Variants in PTPRK observed in about 807,000 individuals in gnomAD.
The protein encoded by PTPRK is receptor-type tyrosine-protein phosphatase kappa.
PTPRK carries 75 observed loss-of-function variants against 178.0 expected under a neutral mutation model. The observed-to-expected ratio is 0.42, with a 90% confidence interval of 0.35 to 0.51. PTPRK has a LOEUF of 0.51. PTPRK is among the 20% of genes least tolerant of loss of function. The pLI is 0.02. For synonymous variants in PTPRK, 637 were observed against 620.6 expected, an observed-to-expected ratio of 1.03 and a Z score of -0.39; for missense variants, 1,441 against 1,797.8, an observed-to-expected ratio of 0.80 and a Z score of 3.59.
chr6:128,254,693 C>T (rs1816998921), intron 3 of PTPRK, among the ~76,000 whole-genome samples: 1 of 150,304 alleles, frequency 6.7e-6, no homozygotes, highest in African/African-American at 2.4e-5. Context: ...AATTTTAAGG[C>T]AAAATATTTT....
Position 128,504,589 on chromosome 6 carries a change from T to G in PTPRK, c.100+15670A>C, listed in dbSNP as rs767964608. Among the ~76,000 whole-genome samples the G allele has an allele frequency of 8.3e-4, 126 of 152,338 alleles. 3 individuals are homozygous for G. The highest frequency in any genetic ancestry group is 2.5e-4 in the Non-Finnish European group (17 of 68,034). On this transcript the variant is annotated intron_variant, in intron 1 of 29. Transcript: ENST00000368226. ...CTTCAACTGGGATGTGCATTCCTGA[T>G]AAGAATTAGCCGGGAAAGGGCACAA...
At chr6:128,036,289 C>G (rs1776196633) in intron 13 of PTPRK, among the ~76,000 whole-genome samples, 1 of 152,122 alleles carries the variant, frequency 6.6e-6, no homozygotes, top group African/African-American at 2.4e-5. Context: ...AGCAGCTACA[C>G]CCAGGAGATG....
chr6:128,283,041 C>A (rs1284562343), intron 3 of PTPRK, among the ~76,000 whole-genome samples: 1 of 152,068 alleles, frequency 6.6e-6, no homozygotes, highest in Non-Finnish European at 1.5e-5. Context: ...CAACAAAACA[C>A]CCCCACCACA....
chr6:128,244,199 T>C (rs1454735017), intron 3 of PTPRK, among the ~76,000 whole-genome samples: 1 of 152,184 alleles, frequency 6.6e-6, no homozygotes, highest in Non-Finnish European at 1.5e-5. Context: ...GATTTGCCTA[T>C]GATAACACAC....
In PTPRK at chr6:128,219,064, C is replaced by A. The variant is rs1809892245; in HGVS notation, c.726G>T (p.Gln242His). 6.2e-7 allele frequency: 1 copy of A among 1,613,792 alleles called. No homozygotes were observed. Among genetic ancestry groups the A allele is most frequent in the African/African-American group, 1.3e-5 (1 of 74,902 alleles). Reference sequence around the variant, plus strand: ...ACCTTCTATGATTGATGTTCTTAGTCTGGGCTACTGGTATATCTTCTCCAT... The same window carrying A: ...ACCTTCTATGATTGATGTTCTTAGTATGGGCTACTGGTATATCTTCTCCAT... ...RRNGEDIPVA[Q>H]TKNINHRRFA... The change falls in exon 6 of 30, where the codon CAG becomes CAT. Residue 242 changes from glutamine (Q) to histidine (H), a missense_variant. By Grantham distance (24) the Gln-to-His change is conservative (BLOSUM62 0). Transcript: ENST00000368226.
intron 5 of PTPRK, among the ~76,000 whole-genome samples, chr6:128,226,784 A>G (rs1811397177): frequency 7.3e-6 from 1 of 136,982 alleles, no homozygotes; most frequent in Non-Finnish European, 1.5e-5. Flanking sequence ...ATATATATAT[A>G]TATATATATA....
intron 3 of PTPRK, among the ~76,000 whole-genome samples, chr6:128,270,413 T>C (rs1392672709): frequency 6.6e-6 from 1 of 152,058 alleles, no homozygotes; most frequent in Non-Finnish European, 1.5e-5. Flanking sequence ...TAGTGACAAA[T>C]AAAAATTTAA....
intron 2 of PTPRK, among the ~76,000 whole-genome samples, chr6:128,353,471 T>C (rs1309222557): frequency 6.6e-6 from 1 of 152,110 alleles, no homozygotes; most frequent in Non-Finnish European, 1.5e-5. Context: ...TGTCCCTCAA[T>C]GAGAAAACAG....
At chr6:128,219,638 C>A (rs1221348232) in intron 5 of PTPRK, among the ~76,000 whole-genome samples, 1 of 152,160 alleles carries the variant, frequency 6.6e-6, no homozygotes, top group Non-Finnish European at 1.5e-5. Context: ...GGTAGTAATT[C>A]TCAGTTCTCC....
At chr6:128,003,226 T>C (rs1209356583) in intron 15 of PTPRK, 12 of 1,604,796 alleles carry the variant, frequency 7.5e-6, no homozygotes, top group African/African-American at 4.0e-5. Context: ...AAGTGGATCA[T>C]TGGGCACTGC....
chr6:128,286,140 C>T (rs1822470518), intron 3 of PTPRK, among the ~76,000 whole-genome samples: 1 of 152,082 alleles, frequency 6.6e-6, no homozygotes, highest in Non-Finnish European at 1.5e-5. Context: ...TGTCTTTTTT[C>T]TCTAACTGCT....
chr6:128,206,718 C>G (rs1562790173), intron 6 of PTPRK, among the ~76,000 whole-genome samples: 2 of 152,104 alleles, frequency 1.3e-5, no homozygotes, highest in Admixed American at 6.6e-5. Context: ...ATTGCCAACT[C>G]ATTTTTATGA....
chr6:128,091,273 C>T (rs560944906), intron 7 of PTPRK, among the ~76,000 whole-genome samples: 2 of 152,272 alleles, frequency 1.3e-5, no homozygotes, highest in East Asian at 1.9e-4. Context: ...TCATTTCAGA[C>T]GTTACCTGAA....
chr6:128,407,312 C>T (rs1841772915), intron 1 of PTPRK, among the ~76,000 whole-genome samples: 1 of 152,018 alleles, frequency 6.6e-6, no homozygotes, highest in South Asian at 2.1e-4. Flanking sequence ...GAGAAGATCT[C>T]CAAACTTGAA....
intron 18 of PTPRK, among the ~76,000 whole-genome samples, chr6:127,993,176 T>C (rs898620339): frequency 4.6e-5 from 7 of 151,768 alleles, no homozygotes; most frequent in Admixed American, 1.3e-4. Flanking sequence ...CATGTGTGCA[T>C]CCAATCAAAG....
intron 1 of PTPRK, among the ~76,000 whole-genome samples, chr6:128,461,693 C>T (rs1342598632): frequency 6.6e-6 from 1 of 152,090 alleles, no homozygotes; most frequent in East Asian, 1.9e-4. Context: ...CAACAATCAC[C>T]ACTCTCTGAT....
intron 2 of PTPRK, among the ~76,000 whole-genome samples, chr6:128,345,861 T>C (rs1832362175): frequency 6.6e-6 from 1 of 152,180 alleles, no homozygotes; most frequent in South Asian, 2.1e-4. Flanking sequence ...TGTATAAGCC[T>C]TATTTCCATT....
At chr6:128,026,449 T>G (rs1165595143) in intron 13 of PTPRK, among the ~76,000 whole-genome samples, 1 of 152,196 alleles carries the variant, frequency 6.6e-6, no homozygotes, top group Non-Finnish European at 1.5e-5. Flanking sequence ...CAAGAAAAAC[T>G]ACTGTGTGAT....
intron 7 of PTPRK, among the ~76,000 whole-genome samples, chr6:128,170,874 AT>A (rs1049946853): frequency 1.3e-5 from 2 of 151,710 alleles, no homozygotes; most frequent in African/African-American, 4.8e-5. Context: ...GCAAACTAGC[AT>A]TTTTAGACAT....
Sources: gnomAD v4.1 joint callset for allele counts (sites outside exome capture counted in the v4.1 genomes callset) on GRCh38, gnomAD v4.1.1 for gene constraint, MANE v1.5 for transcripts, NCBI Gene and HGNC (gene_info 2026-07-23, HGNC 2026-07-21) for gene names.